The following KCNG3 variants were observed in gnomAD, a reference collection of about 807,000 sequenced individuals.
KCNG3 encodes the protein voltage-gated potassium channel regulatory subunit KCNG3.
KCNG3 carries 15 observed loss-of-function variants against 29.0 expected under a neutral mutation model. The observed-to-expected ratio is 0.52, with a 90% CI of 0.35 to 0.80. The LOEUF (loss-of-function observed/expected upper bound fraction) is 0.80. KCNG3 is among the 30% of genes least tolerant of loss of function. The probability of loss-of-function intolerance (pLI) is 0.01; values close to 1 mark genes in which losing one functional copy is unlikely to be tolerated. For synonymous variants in KCNG3, 322 were observed against 248.9 expected (o/e 1.29, Z -2.76); for missense variants, 512 against 605.7 (o/e 0.85, Z 1.62).
At position 42,444,898 on chromosome 2, in the gene KCNG3, CAA is replaced by C. The variant is rs61254551; in HGVS notation, c.666-321_666-320del. ...GCACCACAGCAAAACCCCGTCTCCA[CAA>C]AAAAAAAATACAAAAATCAGCTGGG... On this transcript the variant is annotated intron_variant, in intron 1 of 1. Coordinates refer to ENST00000306078, the MANE Select transcript of KCNG3 (RefSeq NM_133329.6). This position sits in a 1 kb window ranked among gnomAD's most constrained non-coding sequence, Gnocchi z 5.8. Among the ~76,000 whole-genome samples the C allele has an allele frequency of 6.7e-6, 1 of 149,502 alleles. No individual in the cohort carries two copies. The highest frequency in any genetic ancestry group is 1.5e-5 in the Non-Finnish European group (1 of 67,514).
chr2:42,493,518 G>T lies in KCNG3; in HGVS notation c.-17C>A, dbSNP rs542096378. 3 of 1,352,298 alleles carry T rather than the reference G, an allele frequency of 2.2e-6. No homozygotes were observed. The Admixed American group carries it at 1.1e-4, about 51-fold the overall frequency. 83.8% of individuals were successfully genotyped at this position (1,352,298 alleles called of 1,614,324 possible). A position where few individuals can be genotyped will look rare whatever the true frequency, so the allele number is the denominator to read the frequency against. On this transcript the variant is annotated 5_prime_UTR_variant, in exon 1 of 2. Coordinates refer to ENST00000306078, the MANE Select transcript of KCNG3 (RefSeq NM_133329.6). Reference sequence around the variant, plus strand: ...GAAGGTCATGGCTGGCCGCCCGGGGGACTTTCGGCCCGAGGGCCCCGCTGC... The same window carrying T: ...GAAGGTCATGGCTGGCCGCCCGGGGTACTTTCGGCCCGAGGGCCCCGCTGC...
At chr2:42,469,886 A>C in intron 1 of KCNG3, 1 of 271,908 alleles carries the variant, frequency 3.7e-6, no homozygotes, top group Non-Finnish European at 6.8e-6. Flanking sequence ...CAGCATCACC[A>C]CTTGGCTGAA....
intron 1 of KCNG3, among the ~76,000 whole-genome samples, chr2:42,467,655 G>A (rs1440890100): frequency 2.0e-5 from 3 of 147,536 alleles, no homozygotes; most frequent in Non-Finnish European, 4.5e-5. Context: ...GTGACAGAGT[G>A]AGACTCTGTT....
chr2:42,454,573 G>A (rs1207256126), intron 1 of KCNG3, among the ~76,000 whole-genome samples: 9 of 152,044 alleles, frequency 5.9e-5, no homozygotes, highest in South Asian at 2.1e-4. Context: ...TTAGCCAGGC[G>A]TGGTAGTGGG....
chr2:42,469,129 G>A (rs935426690), intron 1 of KCNG3, among the ~76,000 whole-genome samples: 4 of 151,012 alleles, frequency 2.6e-5, no homozygotes, highest in Non-Finnish European at 4.4e-5. Context: ...GGAATTAATA[G>A]GATGGCAGGC....
the KCNG3 span, among the ~76,000 whole-genome samples, chr2:42,423,661 T>C: frequency 6.6e-6 from 1 of 152,222 alleles, no homozygotes; most frequent in African/African-American, 2.4e-5. Context: ...TCTCACAGCA[T>C]CTATTTCATA....
the KCNG3 span, among the ~76,000 whole-genome samples, chr2:42,406,465 C>T: frequency 2.7e-5 from 4 of 150,190 alleles, no homozygotes; most frequent in African/African-American, 4.9e-5. Flanking sequence ...GTGATCCACC[C>T]ACCTCGGCCT....
chr2:42,491,182 C>T (rs1275246769), intron 1 of KCNG3, among the ~76,000 whole-genome samples: 1 of 152,094 alleles, frequency 6.6e-6, no homozygotes, highest in Admixed American at 6.6e-5. Context: ...CCATCTCTGT[C>T]TTCCCTTTTT....
chr2:42,473,037 G>A (rs1324333889), intron 1 of KCNG3, among the ~76,000 whole-genome samples: 1 of 151,228 alleles, frequency 6.6e-6, no homozygotes, highest in African/African-American at 2.4e-5. Context: ...AAGTAGCTGG[G>A]ACTACAGGCA....
rs891018164 is a variant in KCNG3 at position 42,455,382 on chromosome 2, T to C, written c.666-10803A>G. Among the ~76,000 whole-genome samples, 124 of 152,236 alleles carry C rather than the reference T, an allele frequency of 8.1e-4. 2 individuals carry two copies. The highest frequency in any genetic ancestry group is 6.3e-3 in the Admixed American group (97 of 15,290). ...TACATTCTGCTTTACCTCAGAAGAA[T>C]TGAACGAGATTGTTCCTGTCATTAA... is the stretch of plus-strand genomic sequence containing the variant. On this transcript the variant is annotated intron_variant, in intron 1 of 1. Coordinates refer to ENST00000306078, the MANE Select transcript of KCNG3 (RefSeq NM_133329.6).
At chr2:42,457,941 G>C (rs1056790640) in intron 1 of KCNG3, among the ~76,000 whole-genome samples, 2 of 152,016 alleles carry the variant, frequency 1.3e-5, no homozygotes, top group Non-Finnish European at 2.9e-5. Context: ...GAGCAATATA[G>C]TGAAACCCCT....
Position 42,443,565 on chromosome 2 carries a change from A to AT in KCNG3, c.*368dup, listed in dbSNP as rs1367734428. 1 of 166,924 alleles carries AT rather than the reference A, an allele frequency of 6.0e-6. No individual in the cohort carries two copies. Among genetic ancestry groups the AT allele is most frequent in the Non-Finnish European group, 1.3e-5 (1 of 78,042 alleles). The allele number at this position is 166,924 out of a possible 1,614,324, so 10.3% of individuals were successfully genotyped here. ...ATGTTACTCTCAAACAAAAAACACT[A>AT]TAAGTTCCAAGCTTCTTCTGAATTC... On this transcript the variant is annotated 3_prime_UTR_variant, in exon 2 of 2. Coordinates refer to ENST00000306078, the MANE Select transcript of KCNG3 (RefSeq NM_133329.6).
rs1053287990 is a variant in KCNG3 at position 42,487,782 on chromosome 2, C to G, written c.665+5055G>C. 1.3e-5 allele frequency among the ~76,000 whole-genome samples: 2 copies of G among 152,264 alleles called. 1 individual carries two copies. Among genetic ancestry groups the G allele is most frequent in the Admixed American group, 1.3e-4 (2 of 15,290 alleles). ...CTCAGGAATGTATCCTATGGATATA[C>G]CTGCATAAAAGAAGTAAAATATATA... On this transcript the variant is annotated intron_variant, in intron 1 of 1. Coordinates refer to ENST00000306078, the MANE Select transcript of KCNG3 (RefSeq NM_133329.6).
the KCNG3 span, among the ~76,000 whole-genome samples, chr2:42,429,276 T>C: frequency 6.6e-6 from 1 of 151,970 alleles, no homozygotes; most frequent in South Asian, 2.1e-4. Context: ...GATACCAAGG[T>C]AGATGCTCCT....
At chr2:42,490,744 C>CTT (rs1282142025) in intron 1 of KCNG3, among the ~76,000 whole-genome samples, 6 of 152,114 alleles carry the variant, frequency 3.9e-5, no homozygotes, top group Admixed American at 6.6e-5. Flanking sequence ...GCCTTGAAGG[C>CTT]CAAGAAAGAA....
At chr2:42,413,063 G>C in the KCNG3 span, among the ~76,000 whole-genome samples, 2 of 152,066 alleles carry the variant, frequency 1.3e-5, no homozygotes, top group Non-Finnish European at 2.9e-5. Context: ...TTTATCCCCA[G>C]GGCTCAACTC....
chr2:42,394,042 A>G, the KCNG3 span, among the ~76,000 whole-genome samples: 1 of 152,102 alleles, frequency 6.6e-6, no homozygotes, highest in South Asian at 2.1e-4. Flanking sequence ...CAGCCTCCCA[A>G]AGTGCTGGGA....
the KCNG3 span, among the ~76,000 whole-genome samples, chr2:42,421,313 G>T: frequency 1.3e-5 from 2 of 152,066 alleles, no homozygotes; most frequent in Non-Finnish European, 1.5e-5. Context: ...TTATAATTCA[G>T]AAGTGACAAT....
chr2:42,429,009 C>T, the KCNG3 span, among the ~76,000 whole-genome samples: 1 of 152,032 alleles, frequency 6.6e-6, no homozygotes, highest in African/African-American at 2.4e-5. Flanking sequence ...ATCCCAGCTA[C>T]TTGGGAGGCT....
Sources: allele counts gnomAD v4.1 joint callset (sites outside exome capture counted in the v4.1 genomes callset), GRCh38; gene constraint gnomAD v4.1.1; non-coding constraint Gnocchi (gnomAD v3.1); transcripts MANE v1.5; gene names NCBI Gene and HGNC (gene_info 2026-07-23, HGNC 2026-07-21).